Variants in PLA2G4E observed in about 807,000 individuals in gnomAD.
PLA2G4E encodes the protein phospholipase A2 group IVE.
A neutral mutation model predicts 109.1 loss-of-function variants in PLA2G4E; 84 were observed. The observed-to-expected ratio is 0.77, with a 90% CI of 0.65 to 0.92. The LOEUF is 0.92. Ranked by LOEUF, PLA2G4E falls within the 40% of genes least tolerant of loss-of-function variation. The probability of loss-of-function intolerance (pLI) is 0.00; values close to 1 mark genes in which losing one functional copy is unlikely to be tolerated. For synonymous variants in PLA2G4E, 469 were observed against 436.1 expected, an observed-to-expected ratio of 1.08 and a Z score of -0.94; for missense variants, 1,057 against 1,076.6, an observed-to-expected ratio of 0.98 and a Z score of 0.25.
Position 41,999,579 on chromosome 15 carries a change from A to C in PLA2G4E, c.937-18T>G, listed in dbSNP as rs1344015171. 1 of 1,610,986 alleles carries C rather than the reference A, an allele frequency of 6.2e-7. No individual in the cohort carries two copies. The highest frequency in any genetic ancestry group is 1.7e-5 in the Admixed American group (1 of 59,620). ...CTCTCACCCTGGGGAGGGAAAGATG[A>C]AAAGCTTGTCAGAGGTGACAATTCA... On this transcript the variant is annotated intron_variant, in intron 9 of 19. Coordinates refer to ENST00000399518, the Ensembl canonical transcript of PLA2G4E.
intron 1 of PLA2G4E, among the ~76,000 whole-genome samples, chr15:42,036,977 G>A (rs1008635771): frequency 2.6e-5 from 4 of 152,242 alleles, no homozygotes; most frequent in Admixed American, 1.3e-4. Context: ...TCCAGGTGCT[G>A]TTGCAGCCTG....
chr15:41,989,448 T>G, exon 15 of PLA2G4E: 4 of 1,613,986 alleles, frequency 2.5e-6, no homozygotes, highest in Non-Finnish European at 3.4e-6. Flanking sequence ...TCCGGGATCC[T>G]CTTCACCAGC....
At chr15:42,007,893 T>C (rs1440839897) in intron 2 of PLA2G4E, 28 bp from the exon 3 acceptor site, 2 of 1,582,620 alleles carry the variant, frequency 1.3e-6, no homozygotes, top group Admixed American at 3.6e-5. Context: ...GTGGAACCAA[T>C]CCAGGTTCAG....
intron 13 of PLA2G4E, among the ~76,000 whole-genome samples, 192 bp from the exon 14 acceptor site, chr15:41,990,427 C>T (rs898911012): frequency 1.3e-5 from 2 of 152,164 alleles, no homozygotes; most frequent in African/African-American, 4.8e-5. Flanking sequence ...ACCACCCCCT[C>T]GGGCTGCCCA....
chr15:42,039,397 G>C (rs913552599), intron 1 of PLA2G4E, among the ~76,000 whole-genome samples: 1 of 152,148 alleles, frequency 6.6e-6, no homozygotes, highest in Non-Finnish European at 1.5e-5. Context: ...GAGAACTATA[G>C]AGAGAATGTA....
At chr15:42,008,165 G>A (rs770859556) in intron 2 of PLA2G4E, among the ~76,000 whole-genome samples, 5 of 152,228 alleles carry the variant, frequency 3.3e-5, no homozygotes, top group Non-Finnish European at 5.9e-5. Flanking sequence ...GACAAGGTAT[G>A]GTCACACAGT....
At chr15:41,985,363 A>G (rs1382214386) in intron 18 of PLA2G4E, among the ~76,000 whole-genome samples, 1 of 152,196 alleles carries the variant, frequency 6.6e-6, no homozygotes, top group Non-Finnish European at 1.5e-5. Context: ...TAAATTAAAA[A>G]AATAAAAACT....
At chr15:42,012,560 C>G (rs2068547304) in intron 2 of PLA2G4E, among the ~76,000 whole-genome samples, 1 of 152,178 alleles carries the variant, frequency 6.6e-6, no homozygotes, top group Non-Finnish European at 1.5e-5. Flanking sequence ...GACAGCCTCT[C>G]CCCAAGATCG....
At chr15:41,999,048 T>G (rs374649296) in intron 10 of PLA2G4E, 1 of 75,704 alleles carries the variant, frequency 1.3e-5, no homozygotes, top group Non-Finnish European at 2.9e-5. Context: ...AGACTCCATT[T>G]CAAAATAAAA....
chr15:42,047,692 A>G (rs1889439001), intron 1 of PLA2G4E, among the ~76,000 whole-genome samples: 2 of 152,150 alleles, frequency 1.3e-5, no homozygotes. Context: ...CATGTCCCCC[A>G]TTCATACATA....
intron 4 of PLA2G4E, among the ~76,000 whole-genome samples, chr15:42,005,263 C>T (rs1595566104): frequency 1.3e-5 from 2 of 152,196 alleles, no homozygotes; most frequent in South Asian, 4.1e-4. Flanking sequence ...TGTCACTTCC[C>T]TGGCTTCCCA....
chr15:42,047,794 T>C (rs1349131730), intron 1 of PLA2G4E, among the ~76,000 whole-genome samples: 1 of 152,188 alleles, frequency 6.6e-6, no homozygotes. Flanking sequence ...TTGGCCAGTC[T>C]CTGAGAAATT....
chr15:42,000,370 TC>T, intron 7 of PLA2G4E, 88 bp from the exon 8 acceptor site: 1 of 1,293,388 alleles, frequency 7.7e-7, no homozygotes, highest in South Asian at 1.5e-5. Context: ...TTTGGAGGTA[TC>T]CAGGAGGAGT....
In PLA2G4E at chr15:42,005,850, G is replaced by T. The variant is rs2068470064; in HGVS notation, c.525+140C>A. On this transcript the variant is annotated intron_variant, in intron 4 of 19. Coordinates refer to ENST00000399518, the Ensembl canonical transcript of PLA2G4E. ...CATCACATAGTGAGTGACAGTGCTG[G>T]GATTTAAACCAGCAGCACCATCTTT... 4.8e-6 allele frequency: 5 copies of T among 1,043,004 alleles called. No individual in the cohort carries two copies. The South Asian group carries it at 9.0e-5, about 19-fold the overall frequency. The allele number at this position is 1,043,004 out of a possible 1,614,324, so 64.6% of individuals were successfully genotyped here.
At chr15:42,015,923 A>C (rs1173592707) in intron 1 of PLA2G4E, among the ~76,000 whole-genome samples, 1 of 151,850 alleles carries the variant, frequency 6.6e-6, no homozygotes, top group Non-Finnish European at 1.5e-5. Flanking sequence ...TCCTGTTGGA[A>C]CTCATGACTT....
intron 18 of PLA2G4E, among the ~76,000 whole-genome samples, chr15:41,985,112 G>A (rs990704684): frequency 6.6e-6 from 1 of 152,194 alleles, no homozygotes; most frequent in Non-Finnish European, 1.5e-5. Flanking sequence ...CTCACTAGCT[G>A]TGTGATCTTA....
chr15:42,028,384 C>CTTATTTATTTATTTAT (rs59541409), intron 1 of PLA2G4E, among the ~76,000 whole-genome samples: 14 of 25,726 alleles, frequency 5.4e-4, no homozygotes, highest in African/African-American at 1.5e-3. Context: ...TATTTATTTA[C>CTTATTTATTTATTTAT]TTATTTATTT....
At position 41,990,238 on chromosome 15, in the gene PLA2G4E, G is replaced by T. The variant is rs370811791; in HGVS notation, c.1471-3C>A. 2.6e-5 allele frequency: 42 copies of T among 1,612,930 alleles called. No individual in the cohort carries two copies. Among genetic ancestry groups the T allele is most frequent in the Non-Finnish European group, 3.2e-5 (38 of 1,179,448 alleles). On this transcript the variant is annotated splice_region_variant and splice_polypyrimidine_tract_variant and intron_variant, in intron 13 of 19. Transcript: ENST00000399518. The stretch of plus-strand genomic sequence containing the variant: ...TCTGACAGTTTGCATTCATTTCTCT[G>T]TGGGGAAACAAAATGGTTAAAGAGA...
chr15:42,040,274 A>C (rs575442926), intron 1 of PLA2G4E, among the ~76,000 whole-genome samples: 1 of 152,220 alleles, frequency 6.6e-6, no homozygotes, highest in Admixed American at 6.5e-5. Context: ...ATCCAAGTGC[A>C]TACAGGATAA....
Sources: gnomAD v4.1 joint callset for allele counts (sites outside exome capture counted in the v4.1 genomes callset) on GRCh38, gnomAD v4.1.1 for gene constraint, MANE v1.5 for transcripts, NCBI Gene and HGNC (gene_info 2026-07-23, HGNC 2026-07-21) for gene names.